NRDE2: variants seen among roughly 807,000 people sequenced by gnomAD.
The protein encoded by NRDE2 is nuclear exosome regulator NRDE2.
Under a neutral mutation model 124.2 loss-of-function variants are expected in NRDE2, and 76 were observed. The ratio of observed to expected loss-of-function variants is 0.61; its 90% CI spans 0.51 to 0.74. NRDE2 has a LOEUF of 0.74. Ranked by LOEUF, NRDE2 falls within the 30% of genes least tolerant of loss-of-function variation. NRDE2 has a pLI of 0.00. For missense variants in NRDE2, 1,314 were observed against 1,417.3 expected, an observed-to-expected ratio of 0.93 and a Z score of 1.17; for synonymous variants, 489 against 528.1, an observed-to-expected ratio of 0.93 and a Z score of 1.01.
chr14:90,308,246 T>C (rs752139393), intron 4 of NRDE2, among the ~76,000 whole-genome samples: 5 of 152,210 alleles, frequency 3.3e-5, no homozygotes, highest in Non-Finnish European at 5.9e-5. Flanking sequence ...GACAGTATAT[T>C]AGTCTTAAGG....
rs751310455 is a variant in NRDE2, at chr14:90,318,066, A to G, written c.112T>C (p.Ser38Pro). ...GCTGCTTCAGTTTGTTGGCTCAGGG[A>G]CGTTATGGATCCAACACAAAAGCTT... ...NPSFCVGSIT[S>P]LSQQTEAAPA... The change falls in exon 2 of 14, where the codon TCC (serine) becomes CCC (proline). Residue 38 changes from serine (S) to proline (P), a missense_variant. Physicochemically the swap from Ser to Pro is moderately conservative, Grantham distance 74. Transcript: ENST00000354366. 7 of 1,614,208 alleles carry G rather than the reference A, an allele frequency of 4.3e-6. No homozygotes were observed. The Admixed American group carries it at 8.3e-5, about 19-fold the overall frequency.
chr14:90,315,176 CAAAAAAAA>C (rs71117336), intron 3 of NRDE2, among the ~76,000 whole-genome samples: 1 of 31,770 alleles, frequency 3.1e-5, no homozygotes, highest in Non-Finnish European at 4.9e-5. Flanking sequence ...TACTCTGTCT[CAAAAAAAA>C]AAAAAAAAAA....
chr14:90,278,751 G>A, intron 13 of NRDE2: 4 of 534,888 alleles, frequency 7.5e-6, no homozygotes, highest in Non-Finnish European at 1.3e-5. Context: ...ACCTGACCTG[G>A]GCTCTCACAG....
chr14:90,281,025 G>C (rs970084026), intron 12 of NRDE2: 2 of 152,202 alleles, frequency 1.3e-5, no homozygotes, highest in Non-Finnish European at 2.9e-5. Context: ...ATTCGGCCAA[G>C]GGCAGTCTCC....
rs1595048713 is a variant in NRDE2 at position 90,273,756 on chromosome 14, G to A, written c.*4580C>T. 6.5e-6 allele frequency: 1 copy of A among 154,718 alleles called. No individual in the cohort carries two copies. Among genetic ancestry groups the A allele is most frequent in the Non-Finnish European group, 1.5e-5 (1 of 68,226 alleles). 9.6% of individuals were successfully genotyped at this position (154,718 alleles called of 1,614,324 possible). A position where few individuals can be genotyped will look rare whatever the true frequency, so the allele number is the denominator to read the frequency against. ...TTCTTGGAGTTGTGGGCCAGCTGAG[G>A]TCAGCATTTCCTTGCTGGCTGCCAG... On this transcript the variant is annotated 3_prime_UTR_variant, in exon 14 of 14. Transcript: ENST00000354366.
rs1345274290 is a variant in NRDE2, at chr14:90,292,768, G to A, written c.1771C>T (p.His591Tyr). The A allele has an allele frequency of 5.0e-6, 8 of 1,614,238 alleles. No homozygotes were observed. The highest frequency in any genetic ancestry group is 1.6e-4 in the Middle Eastern group (1 of 6,062). The part of the protein sequence containing the change: ...LAAERSRDQR[H>Y]WRPWRPDKTK... ...TTATCAGGGCGCCAGGGCCGCCAGTGCCTCTGGTCACGGGAACGCTCAGCA... is the reference window on the plus strand; with the variant it reads ...TTATCAGGGCGCCAGGGCCGCCAGTACCTCTGGTCACGGGAACGCTCAGCA... The change falls in exon 9 of 14, where the codon CAC (histidine) becomes TAC (tyrosine). Residue 591 changes from histidine (H) to tyrosine (Y), a missense_variant. Coordinates refer to ENST00000354366, the MANE Select transcript of NRDE2 (RefSeq NM_017970.4).
At chr14:90,296,761 G>A (rs1013357159) in intron 8 of NRDE2, among the ~76,000 whole-genome samples, 2 of 147,586 alleles carry the variant, frequency 1.4e-5, no homozygotes, top group African/African-American at 2.4e-5. Context: ...ACTGCCTTTC[G>A]GGGAGTGAAG....
chr14:90,285,899 T>C (rs1385273690), intron 12 of NRDE2, among the ~76,000 whole-genome samples: 5 of 152,182 alleles, frequency 3.3e-5, no homozygotes, highest in African/African-American at 9.7e-5. Flanking sequence ...CCTCCGAAAG[T>C]GCTGGGACTA....
chr14:90,308,544 A>T (rs1243862178), intron 4 of NRDE2, among the ~76,000 whole-genome samples: 1 of 152,150 alleles, frequency 6.6e-6, no homozygotes, highest in Non-Finnish European at 1.5e-5. Context: ...AAAAAAAGAA[A>T]AAAAGACAAT....
Position 90,303,080 on chromosome 14 carries a change from C to T in NRDE2, c.1051G>A (p.Glu351Lys). 3.1e-6 allele frequency: 5 copies of T among 1,614,004 alleles called. No individual in the cohort carries two copies. In the East Asian group the frequency reaches 6.7e-5, roughly 22 times the overall value. ...SPGLYAIEEG[E>K]QEKRKRSLKL... Reference sequence around the variant, plus strand: ...AGGGACCTCTTTCGCTTTTCCTGCTCTCCTTCCTCGATGGCATACAGGCCA... The same window carrying T: ...AGGGACCTCTTTCGCTTTTCCTGCTTTCCTTCCTCGATGGCATACAGGCCA... Residue 351 changes from glutamate (E) to lysine (K), a missense_variant, in exon 6 of 14, where the codon GAG becomes AAG. Coordinates refer to ENST00000354366, the MANE Select transcript of NRDE2 (RefSeq NM_017970.4).
At chr14:90,301,637 C>A (rs938259128) in intron 6 of NRDE2, 7 of 446,188 alleles carry the variant, frequency 1.6e-5, no homozygotes, top group Non-Finnish European at 2.5e-5. Context: ...AAAAATAAGT[C>A]AAGAGGTTGG....
intron 7 of NRDE2, among the ~76,000 whole-genome samples, chr14:90,300,556 C>T (rs1884356269): frequency 6.6e-6 from 1 of 151,804 alleles, no homozygotes; most frequent in South Asian, 2.1e-4. Context: ...ATACATAGCT[C>T]TATAAAAATT....
intron 12 of NRDE2, among the ~76,000 whole-genome samples, chr14:90,282,128 C>G (rs1339792275): frequency 2.6e-5 from 4 of 152,070 alleles, no homozygotes; most frequent in Admixed American, 2.6e-4. Context: ...GGTAGATGAC[C>G]AAATTAAAGG....
At chr14:90,301,891 T>C in intron 6 of NRDE2, 2 of 453,028 alleles carry the variant, frequency 4.4e-6, no homozygotes, top group Non-Finnish European at 8.9e-6. Flanking sequence ...ACTAAGCTAT[T>C]TGTGTAGATC....
intron 3 of NRDE2, among the ~76,000 whole-genome samples, chr14:90,315,957 C>CAAAAAAAA (rs59604203): frequency 5.4e-4 from 40 of 74,292 alleles, no homozygotes; most frequent in East Asian, 1.2e-3. Flanking sequence ...AACCCCGTCT[C>CAAAAAAAA]AAAAAAAAAA....
chr14:90,323,643 G>A (rs903372387), intron 1 of NRDE2, among the ~76,000 whole-genome samples: 1 of 152,292 alleles, frequency 6.6e-6, no homozygotes, highest in South Asian at 2.1e-4. Flanking sequence ...ACATGGCTGA[G>A]AACTGCATTT....
intron 10 of NRDE2, 107 bp downstream of exon 10, chr14:90,290,114 G>A: frequency 2.5e-6 from 3 of 1,218,402 alleles, no homozygotes; most frequent in Non-Finnish European, 2.3e-6. Flanking sequence ...AGGAGGAGGT[G>A]CTGGGGCATA....
chr14:90,319,051 A>G (rs1484538009), intron 1 of NRDE2, among the ~76,000 whole-genome samples: 1 of 152,172 alleles, frequency 6.6e-6, no homozygotes, highest in East Asian at 1.9e-4. Context: ...TAAATGTCTA[A>G]AGATTTTCTT....
intron 3 of NRDE2, 83 bp from the exon 4 acceptor site, chr14:90,312,626 G>A (rs1884887905): frequency 5.2e-6 from 7 of 1,354,598 alleles, no homozygotes; most frequent in South Asian, 1.2e-5. Context: ...AGCAATATGA[G>A]AGTTAAACAC....
Sources: allele counts gnomAD v4.1 joint callset (sites outside exome capture counted in the v4.1 genomes callset), GRCh38; gene constraint gnomAD v4.1.1; transcripts MANE v1.5; gene names NCBI Gene and HGNC (gene_info 2026-07-23, HGNC 2026-07-21).